CRHR1: variants seen among roughly 807,000 people sequenced by gnomAD.
The protein encoded by CRHR1 is corticotropin releasing hormone receptor 1, also known as corticotropin-releasing hormone receptor 1.
In CRHR1, 28 loss-of-function variants were observed where a neutral mutation model predicts 56.0. The ratio of observed to expected loss-of-function variants is 0.50; its 90% CI spans 0.37 to 0.69. The LOEUF (loss-of-function observed/expected upper bound fraction) is 0.69. Ranked by LOEUF, CRHR1 falls within the 30% of genes least tolerant of loss-of-function variation. CRHR1 has a pLI of 0.00. For synonymous variants in CRHR1, 195 were observed against 216.5 expected, an observed-to-expected ratio of 0.90 and a Z score of 0.87; for missense variants, 376 against 548.0, an observed-to-expected ratio of 0.69 and a Z score of 3.13.
At chr17:45,803,152 G>T (rs981251738) in intron 1 of CRHR1, among the ~76,000 whole-genome samples, 2 of 152,118 alleles carry the variant, frequency 1.3e-5, no homozygotes, top group Non-Finnish European at 2.9e-5. Context: ...GGGGTGGGGG[G>T]TGGCACAGAC....
chr17:45,829,961 TG>T (rs1303931281), intron 5 of CRHR1, 132 bp from the exon 6 acceptor site: 1 of 1,401,812 alleles, frequency 7.1e-7, no homozygotes, highest in Middle Eastern at 1.8e-4. Context: ...CCTCCCTGTG[TG>T]ACTTGGCCAG....
chr17:45,833,325 A>G (rs1338543568), intron 9 of CRHR1, 115 bp downstream of exon 9: 14 of 1,443,692 alleles, frequency 9.7e-6, no homozygotes, highest in Non-Finnish European at 1.4e-5. Context: ...AAGAGGGGGC[A>G]TGGGTCAGAG....
intron 2 of CRHR1, among the ~76,000 whole-genome samples, chr17:45,811,244 C>T (rs1302645218): frequency 6.6e-6 from 1 of 152,264 alleles, no homozygotes; most frequent in Non-Finnish European, 1.5e-5. Flanking sequence ...TTGTGCACAG[C>T]ACTAAATAGG....
At chr17:45,787,788 G>T (rs990426345) in intron 1 of CRHR1, among the ~76,000 whole-genome samples, 1 of 152,198 alleles carries the variant, frequency 6.6e-6, no homozygotes, top group African/African-American at 2.4e-5. Flanking sequence ...TTGATTAAAC[G>T]ATATAGAGCC....
intron 2 of CRHR1, among the ~76,000 whole-genome samples, chr17:45,814,612 C>T (rs924890839): frequency 7.2e-5 from 11 of 152,212 alleles, no homozygotes; most frequent in East Asian, 1.9e-4. Flanking sequence ...CTCCCCTCCC[C>T]GCGGCCACAT....
Position 45,820,962 on chromosome 17 carries a change from C to T in CRHR1, c.242-393C>T, listed in dbSNP as rs187711091. The stretch of plus-strand genomic sequence containing the variant: ...TCGTGAAAATTGACTCATGAGGTCT[C>T]ACCATTTTTTTGCTGTCTTGCAAGA... On this transcript the variant is annotated intron_variant, in intron 3 of 12. Coordinates refer to ENST00000314537, the MANE Select transcript of CRHR1 (RefSeq NM_004382.5). Among the ~76,000 whole-genome samples, 6 of 152,276 alleles carry T rather than the reference C, an allele frequency of 3.9e-5. No individual in the cohort carries two copies. The East Asian group carries it at 1.2e-3, about 29-fold the overall frequency.
At position 45,821,433 on chromosome 17, in the gene CRHR1, A is replaced by T. The variant is rs1438143954; in HGVS notation, c.320A>T (p.Asn107Ile). The change falls in exon 4 of 13, where the codon AAT (asparagine) becomes ATT (isoleucine). Residue 107 changes from asparagine (N) to isoleucine (I), a missense_variant. Around this residue, in one of 2 missense-constraint regions of CRHR1, gnomAD observed 369 missense variants for 519.5 expected, o/e 0.71. Transcript: ENST00000314537. ...VNYSECQEIL[N>I]EEKKSKVHYH... ...TACTCCGAGTGCCAGGAGATCCTCA[A>T]TGAGGAGGTGAGGCTGAGCCGAACA... The T allele has an allele frequency of 6.2e-7, 1 of 1,612,568 alleles. No homozygotes were observed. The highest frequency in any genetic ancestry group is 8.5e-7 in the Non-Finnish European group (1 of 1,179,984).
chr17:45,798,645 C>T (rs1210733912), intron 1 of CRHR1, among the ~76,000 whole-genome samples: 1 of 150,926 alleles, frequency 6.6e-6, no homozygotes, highest in Non-Finnish European at 1.5e-5. Flanking sequence ...GCTGGGGTCT[C>T]ATGGCCCTTG....
chr17:45,812,167 A>G (rs2061836245), intron 2 of CRHR1, among the ~76,000 whole-genome samples: 1 of 152,262 alleles, frequency 6.6e-6, no homozygotes, highest in African/African-American at 2.4e-5. Context: ...TGTTATATAA[A>G]TATAAATAGC....
At chr17:45,823,394 G>A (rs62057121) in intron 4 of CRHR1, among the ~76,000 whole-genome samples, 20,342 of 148,372 alleles carry the variant, frequency 0.14, 2,007 homozygotes, top group Non-Finnish European at 0.21. Context: ...CGTGGCTCTG[G>A]GACATTCCCT....
chr17:45,828,402 C>G (rs973041732), intron 4 of CRHR1, among the ~76,000 whole-genome samples: 1 of 152,228 alleles, frequency 6.6e-6, no homozygotes, highest in Admixed American at 6.5e-5. Context: ...CGGCTCCCCC[C>G]ACGGGGTTGC....
chr17:45,802,986 G>A (rs1041835690), intron 1 of CRHR1, among the ~76,000 whole-genome samples: 6 of 152,166 alleles, frequency 3.9e-5, no homozygotes, highest in African/African-American at 1.4e-4. Flanking sequence ...TGAGCCTCAC[G>A]GGCACAGGGT....
Position 45,809,354 on chromosome 17 carries a change from G to A in CRHR1, c.121+2257G>A, listed in dbSNP as rs58390414. On this transcript the variant is annotated intron_variant, in intron 2 of 12. Transcript: ENST00000314537. ...AGGGAGGAGAGCTGCTCAGAGGCTG[G>A]GCCTGAGAGGAAAGGCCCTATCCCC... 6.8e-3 allele frequency among the ~76,000 whole-genome samples: 1,031 copies of A among 152,280 alleles called. 17 individuals are homozygous for A. Among genetic ancestry groups the A allele is most frequent in the African/African-American group, 0.024 (1,003 of 41,550 alleles).
chr17:45,784,503 T>G lies in CRHR1; in HGVS notation c.-42T>G. On this transcript the variant is annotated 5_prime_UTR_variant, in exon 1 of 13. Transcript: ENST00000314537. This position sits in a 1 kb window ranked among gnomAD's most constrained non-coding sequence, Gnocchi z 4.2. ...CCCGCCGGTCCCTCTGGGATGTCCGTAGGACCCGGGCATTCAGGACGGTAG... is the reference window on the plus strand; with the variant it reads ...CCCGCCGGTCCCTCTGGGATGTCCGGAGGACCCGGGCATTCAGGACGGTAG... The G allele has an allele frequency of 2.6e-6, 4 of 1,524,886 alleles. No homozygotes were observed. The highest frequency in any genetic ancestry group is 3.5e-6 in the Non-Finnish European group (4 of 1,134,686). 94.5% of individuals were successfully genotyped at this position (1,524,886 alleles called of 1,614,324 possible). A position where few individuals can be genotyped will look rare whatever the true frequency, so the allele number is the denominator to read the frequency against.
At chr17:45,830,783 C>T (rs2062288134) in intron 7 of CRHR1, 97 bp from the exon 8 acceptor site, 3 of 1,334,688 alleles carry the variant, frequency 2.2e-6, no homozygotes, top group Admixed American at 2.1e-5. Flanking sequence ...CCCTGAGTAA[C>T]CCCAGACCCC....
chr17:45,823,875 T>TCTTC lies in CRHR1; in HGVS notation c.327+2437_327+2440dup, dbSNP rs376765646. ...TGCCTAGCTTAAAAGACTCACGAGTTCTTCCACGGTGCTGCTCTGGCAGGG... is the reference window on the plus strand; with the variant it reads ...TGCCTAGCTTAAAAGACTCACGAGTTCTTCCTTCCACGGTGCTGCTCTGGCAGGG... On this transcript the variant is annotated intron_variant, in intron 4 of 12. Transcript: ENST00000314537. 4.3e-3 allele frequency among the ~76,000 whole-genome samples: 658 copies of TCTTC among 152,310 alleles called. 2 individuals carry two copies. The highest frequency in any genetic ancestry group is 7.8e-3 in the Non-Finnish European group (533 of 68,010).
At chr17:45,804,841 G>A (rs2061691151) in intron 1 of CRHR1, among the ~76,000 whole-genome samples, 1 of 150,580 alleles carries the variant, frequency 6.6e-6, no homozygotes, top group Non-Finnish European at 1.5e-5. Context: ...TTGAGATAGA[G>A]TATTACTCTA....
At chr17:45,794,938 T>G (rs148902049) in intron 1 of CRHR1, among the ~76,000 whole-genome samples, 51 of 152,366 alleles carry the variant, frequency 3.3e-4, no homozygotes, top group Middle Eastern at 3.4e-3. Context: ...CTCAGCTCGC[T>G]GACTCTGGGA....
chr17:45,814,911 C>T (rs967410355), intron 2 of CRHR1, among the ~76,000 whole-genome samples: 1 of 152,260 alleles, frequency 6.6e-6, no homozygotes, highest in African/African-American at 2.4e-5. Context: ...GGCCTCTGCC[C>T]CTTGAGTCCT....
Sources: gnomAD v4.1 joint callset for allele counts (sites outside exome capture counted in the v4.1 genomes callset) on GRCh38, gnomAD v4.1.1 for gene constraint, gnomAD v4.1.1 regional missense constraint, Gnocchi (gnomAD v3.1) non-coding constraint, MANE v1.5 for transcripts, NCBI Gene and HGNC (gene_info 2026-07-23, HGNC 2026-07-21) for gene names.